Variants in TMEM132D observed in about 807,000 individuals in gnomAD.
TMEM132D encodes the protein mature OL transmembrane protein.
Under a neutral mutation model 62.3 loss-of-function variants are expected in TMEM132D, and 21 were observed. That is an observed-to-expected ratio of 0.34 (90% CI 0.24 to 0.49). TMEM132D has a LOEUF of 0.49. TMEM132D is among the 20% of genes least tolerant of loss of function. TMEM132D has a pLI of 0.99. For missense variants in TMEM132D, 1,346 were observed against 1,402.8 expected, an observed-to-expected ratio of 0.96 and a Z score of 0.65; for synonymous variants, 621 against 575.6, an observed-to-expected ratio of 1.08 and a Z score of -1.13.
Position 129,388,942 on chromosome 12 carries a change from C to A in TMEM132D, c.1116-51125G>T, listed in dbSNP as rs573110018. On this transcript the variant is annotated intron_variant, in intron 3 of 8. Transcript: ENST00000422113. ...CACCAATACTAACACCAACACCAATCCAGCACTGATGATAATATTAACACC... is the reference window on the plus strand; with the variant it reads ...CACCAATACTAACACCAACACCAATACAGCACTGATGATAATATTAACACC... Among the ~76,000 whole-genome samples the A allele has an allele frequency of 2.1e-3, 278 of 129,428 alleles. 20 individuals are homozygous for A. The highest frequency in any genetic ancestry group is 1.0e-3 in the Non-Finnish European group (56 of 56,168). The allele number at this position is 129,428 out of a possible 152,430, so 84.9% of individuals were successfully genotyped here.
intron 5 of TMEM132D, among the ~76,000 whole-genome samples, chr12:129,132,798 GA>G (rs1443588157): frequency 1.3e-5 from 2 of 152,264 alleles, no homozygotes; most frequent in Non-Finnish European, 2.9e-5. Flanking sequence ...ATGAACCTGG[GA>G]AAAAAGTAGC....
intron 3 of TMEM132D, among the ~76,000 whole-genome samples, chr12:129,346,845 C>T (rs1227218481): frequency 6.6e-6 from 1 of 152,158 alleles, no homozygotes; most frequent in East Asian, 1.9e-4. Context: ...AGCTGATAGG[C>T]AACTTCGGCA....
intron 3 of TMEM132D, among the ~76,000 whole-genome samples, chr12:129,410,883 C>G (rs1871949410): frequency 6.6e-6 from 1 of 152,174 alleles, no homozygotes; most frequent in East Asian, 1.9e-4. Context: ...AATTCAAGGA[C>G]ATGAATATCA....
intron 4 of TMEM132D, among the ~76,000 whole-genome samples, chr12:129,253,530 A>G (rs11060222): frequency 0.048 from 7,290 of 152,274 alleles, 385 homozygotes; most frequent in Admixed American, 0.16. Flanking sequence ...AAACAAATAA[A>G]TAAATATTTC....
At chr12:129,286,865 T>C (rs892753970) in intron 4 of TMEM132D, among the ~76,000 whole-genome samples, 2 of 152,088 alleles carry the variant, frequency 1.3e-5, no homozygotes, top group African/African-American at 4.8e-5. Context: ...CAGGCCAACA[T>C]GGTGAAACCC....
chr12:129,591,090 C>T (rs1247875036), intron 2 of TMEM132D, among the ~76,000 whole-genome samples: 1 of 152,122 alleles, frequency 6.6e-6, no homozygotes, highest in African/African-American at 2.4e-5. Flanking sequence ...CAGAACGTCT[C>T]CAAACCCAAG....
chr12:129,496,933 G>A (rs929637319), intron 3 of TMEM132D, among the ~76,000 whole-genome samples: 1 of 152,196 alleles, frequency 6.6e-6, no homozygotes, highest in Non-Finnish European at 1.5e-5. Context: ...AGCTCCCCAC[G>A]GGACTCTGCC....
chr12:129,500,378 C>T (rs1296194341), intron 3 of TMEM132D, among the ~76,000 whole-genome samples: 1 of 152,216 alleles, frequency 6.6e-6, no homozygotes, highest in African/African-American at 2.4e-5. Flanking sequence ...CACCTGACCT[C>T]ATCTGTACCC....
intron 5 of TMEM132D, among the ~76,000 whole-genome samples, chr12:129,095,477 C>T (rs1875082335): frequency 6.6e-6 from 1 of 151,600 alleles, no homozygotes; most frequent in Non-Finnish European, 1.5e-5. Context: ...GCCTCAGCCT[C>T]CCAAGTAGGA....
intron 1 of TMEM132D, among the ~76,000 whole-genome samples, chr12:129,803,838 T>C (rs1325944910): frequency 1.4e-5 from 2 of 147,320 alleles, no homozygotes; most frequent in African/African-American, 2.5e-5. Flanking sequence ...ATAGATGCAA[T>C]AAAAAATGAT....
intron 2 of TMEM132D, among the ~76,000 whole-genome samples, chr12:129,562,687 T>C (rs11060441): frequency 0.18 from 27,957 of 152,036 alleles, 2,993 homozygotes; most frequent in Non-Finnish European, 0.24. Flanking sequence ...ACTAAGACTG[T>C]GTGTGCAAGA....
chr12:129,770,306 G>A lies in TMEM132D; in HGVS notation c.80-69608C>T, dbSNP rs541612677. On this transcript the variant is annotated intron_variant, in intron 1 of 8. Coordinates refer to ENST00000422113, the MANE Select transcript of TMEM132D (RefSeq NM_133448.3). ...TTACAGGCACATGCCACCACACCTG[G>A]CTAATTTTTGTATTTTTAGTACAGA... Among the ~76,000 whole-genome samples the A allele has an allele frequency of 3.9e-5, 6 of 151,930 alleles. 1 individual carries two copies. Among genetic ancestry groups the A allele is most frequent in the African/African-American group, 1.4e-4 (6 of 41,430 alleles).
chr12:129,353,818 T>C (rs537679960), intron 3 of TMEM132D, among the ~76,000 whole-genome samples: 1 of 151,954 alleles, frequency 6.6e-6, no homozygotes, highest in Non-Finnish European at 1.5e-5. Flanking sequence ...AGCGGAGTAG[T>C]GAGCCCAGCC....
At chr12:129,293,697 C>T (rs184674967) in intron 4 of TMEM132D, among the ~76,000 whole-genome samples, 13 of 152,246 alleles carry the variant, frequency 8.5e-5, no homozygotes, top group East Asian at 7.7e-4. Flanking sequence ...CTAGATCCCT[C>T]GCATGTGCAG....
intron 2 of TMEM132D, among the ~76,000 whole-genome samples, chr12:129,631,973 T>A (rs1446845494): frequency 6.6e-6 from 1 of 152,118 alleles, no homozygotes; most frequent in African/African-American, 2.4e-5. Flanking sequence ...ACAGGACCTA[T>A]TCCAAGGAAT....
At chr12:129,256,628 G>C (rs1462764655) in intron 4 of TMEM132D, among the ~76,000 whole-genome samples, 2 of 152,132 alleles carry the variant, frequency 1.3e-5, no homozygotes, top group Non-Finnish European at 2.9e-5. Flanking sequence ...CGCGATGTTG[G>C]CTAGGCTGGT....
intron 1 of TMEM132D, among the ~76,000 whole-genome samples, chr12:129,846,657 T>C (rs1172956469): frequency 1.3e-5 from 2 of 152,150 alleles, no homozygotes; most frequent in African/African-American, 4.8e-5. Context: ...TGGAAAATTC[T>C]CTGTTTCTCT....
At chr12:129,353,316 G>T (rs1869930288) in intron 3 of TMEM132D, among the ~76,000 whole-genome samples, 1 of 152,078 alleles carries the variant, frequency 6.6e-6, no homozygotes, top group Admixed American at 6.6e-5. Flanking sequence ...AATGTATGAA[G>T]CAAGGAAAAT....
intron 2 of TMEM132D, among the ~76,000 whole-genome samples, chr12:129,571,620 C>T (rs916702383): frequency 1.2e-4 from 18 of 151,692 alleles, no homozygotes; most frequent in East Asian, 3.9e-4. Context: ...CACCTGAAGA[C>T]GGAGGGAGAG....
Sources: allele counts gnomAD v4.1 joint callset (sites outside exome capture counted in the v4.1 genomes callset), GRCh38; gene constraint gnomAD v4.1.1; transcripts MANE v1.5; gene names NCBI Gene and HGNC (gene_info 2026-07-23, HGNC 2026-07-21).